Variants in REEP5 observed in about 807,000 individuals in gnomAD.
REEP5 encodes receptor accessory protein 5, also known as receptor expression-enhancing protein 5.
Under a neutral mutation model 22.4 loss-of-function variants are expected in REEP5, and 24 were observed. That is an observed-to-expected ratio of 1.07 (90% confidence interval 0.78 to 1.51). The LOEUF is 1.51. REEP5 is among the 40% of genes most tolerant of loss of function. The probability of loss-of-function intolerance (pLI) is 0.00; values close to 1 mark genes in which losing one functional copy is unlikely to be tolerated. For missense variants in REEP5, 252 were observed against 233.0 expected (o/e 1.08, Z -0.53); for synonymous variants, 103 against 88.6 (o/e 1.16, Z -0.92).
intron 2 of REEP5, among the ~76,000 whole-genome samples, chr5:112,913,001 G>A (rs1032893703): frequency 2.0e-4 from 31 of 152,246 alleles, no homozygotes; most frequent in African/African-American, 6.0e-4. Flanking sequence ...CAAACAGTAC[G>A]AGAAAGACTA....
At chr5:112,913,401 GA>G (rs1037666523) in intron 2 of REEP5, among the ~76,000 whole-genome samples, 5 of 147,664 alleles carry the variant, frequency 3.4e-5, no homozygotes, top group Admixed American at 1.3e-4. Context: ...GAGAAAGAAA[GA>G]AAAAAAGAAA....
intron 3 of REEP5, among the ~76,000 whole-genome samples, chr5:112,888,596 TA>T (rs1232970186): frequency 4.1e-4 from 62 of 151,016 alleles, no homozygotes; most frequent in East Asian, 2.0e-3. Flanking sequence ...GCTAATTTTT[TA>T]TAACTTTTTT....
Position 112,922,182 on chromosome 5 carries a change from C to T in REEP5, c.9G>A (p.Ala3=), listed in dbSNP as rs745444397. 8 of 1,606,554 alleles carry T rather than the reference C, an allele frequency of 5.0e-6. No individual in the cohort carries two copies. In the South Asian group the frequency reaches 5.6e-5, roughly 11 times the overall value. MS[A]AMRERFDRFL... ...ACCGGTCGAACCTCTCCCTCATGGC[C>T]GCAGACATGGCGGGGACCGTCTCGC... Residue 3 remains alanine (A), a synonymous_variant, in exon 1 of 5, where the codon GCG becomes GCA. Coordinates refer to ENST00000379638, the MANE Select transcript of REEP5 (RefSeq NM_005669.5).
rs757432658 is a variant in REEP5 at position 112,877,477 on chromosome 5, C to T, written c.*1309G>A. 3.9e-5 allele frequency: 6 copies of T among 152,090 alleles called. No individual in the cohort carries two copies. The highest frequency in any genetic ancestry group is 8.8e-5 in the Non-Finnish European group (6 of 68,016). The allele number at this position is 152,090 out of a possible 1,614,324, so 9.4% of individuals were successfully genotyped here. ...GATTTGGCAGATCAATGGAGACATCCGTTTTAACTTTACTGTTCTGTACTT... is the reference window on the plus strand; with the variant it reads ...GATTTGGCAGATCAATGGAGACATCTGTTTTAACTTTACTGTTCTGTACTT... On this transcript the variant is annotated 3_prime_UTR_variant, in exon 5 of 5. Coordinates refer to ENST00000379638, the MANE Select transcript of REEP5 (RefSeq NM_005669.5).
In REEP5 at chr5:112,878,554, A is replaced by AAAT. The variant is rs1767966361; in HGVS notation, c.*229_*231dup. ...ATACATCTTTTCCTACCCAGAGGCAAAATACATTTTCCAAAAACGTGGACA... is the reference window on the plus strand; with the variant it reads ...ATACATCTTTTCCTACCCAGAGGCAAAATAATACATTTTCCAAAAACGTGGACA... On this transcript the variant is annotated 3_prime_UTR_variant, in exon 5 of 5. Transcript: ENST00000379638. 4 of 526,342 alleles carry AAAT rather than the reference A, an allele frequency of 7.6e-6. No homozygotes were observed. In the South Asian group the frequency reaches 1.4e-4, roughly 19 times the overall value. 32.6% of individuals were successfully genotyped at this position (526,342 alleles called of 1,614,324 possible). A position where few individuals can be genotyped will look rare whatever the true frequency, so the allele number is the denominator to read the frequency against.
intron 2 of REEP5, among the ~76,000 whole-genome samples, chr5:112,915,981 C>A (rs1469008479): frequency 6.6e-6 from 1 of 151,408 alleles, no homozygotes; most frequent in Non-Finnish European, 1.5e-5. Flanking sequence ...GTTAAGGAAA[C>A]AGCTCTGCTT....
intron 4 of REEP5, among the ~76,000 whole-genome samples, chr5:112,879,733 C>T (rs1388007773): frequency 1.3e-5 from 2 of 152,036 alleles, no homozygotes; most frequent in African/African-American, 2.4e-5. Context: ...GCCTTGGCCT[C>T]CCAAAGTGCT....
chr5:112,912,145 C>T (rs536766973), intron 2 of REEP5, among the ~76,000 whole-genome samples: 8 of 152,124 alleles, frequency 5.3e-5, no homozygotes, highest in Non-Finnish European at 1.0e-4. Flanking sequence ...CCACCTTTTA[C>T]ATATGAGAAA....
At chr5:112,892,630 T>C (rs779025959) in intron 3 of REEP5, 6 of 1,614,002 alleles carry the variant, frequency 3.7e-6, no homozygotes, top group Non-Finnish European at 5.1e-6. Flanking sequence ...AGGAAAACAC[T>C]GCAACTTTCT....
intron 2 of REEP5, among the ~76,000 whole-genome samples, chr5:112,905,948 TC>T (rs1345551106): frequency 6.6e-6 from 1 of 152,210 alleles, no homozygotes; most frequent in African/African-American, 2.4e-5. Flanking sequence ...TGATTAGACT[TC>T]CTTGTCCCAA....
chr5:112,892,821 C>T (rs762925910), intron 3 of REEP5: 1 of 1,613,730 alleles, frequency 6.2e-7, no homozygotes, highest in Non-Finnish European at 8.5e-7. Flanking sequence ...ACCACACCTA[C>T]AAAAGAAATG....
At chr5:112,900,920 C>T (rs969480697) in intron 3 of REEP5, among the ~76,000 whole-genome samples, 6 of 150,558 alleles carry the variant, frequency 4.0e-5, no homozygotes, top group Non-Finnish European at 8.9e-5. Flanking sequence ...TCACTGCAAC[C>T]TCTGCATCCC....
At chr5:112,920,454 G>C (rs1383198400) in intron 2 of REEP5, among the ~76,000 whole-genome samples, 1 of 151,976 alleles carries the variant, frequency 6.6e-6, no homozygotes, top group Non-Finnish European at 1.5e-5. Flanking sequence ...ATTCCTACTT[G>C]AACGAATGGA....
chr5:112,889,120 A>C (rs907817615), intron 3 of REEP5, among the ~76,000 whole-genome samples: 2 of 150,774 alleles, frequency 1.3e-5, no homozygotes, highest in African/African-American at 4.9e-5. Flanking sequence ...TGGAACTGTG[A>C]GTCAATTAAA....
rs1329907179 is a variant in REEP5, at chr5:112,878,610, CTATATA to C, written c.*170_*175del. The C allele has an allele frequency of 1.1e-6, 1 of 925,268 alleles. No homozygotes were observed. The highest frequency in any genetic ancestry group is 1.6e-6 in the Non-Finnish European group (1 of 631,160). 57.3% of individuals were successfully genotyped at this position (925,268 alleles called of 1,614,324 possible). ...CACTGCATTAAGTTTAAAGTGCTCC[CTATATA>C]TATAGACAGTAAAAGTAAGCAAAGA... is the stretch of plus-strand genomic sequence containing the variant. On this transcript the variant is annotated 3_prime_UTR_variant, in exon 5 of 5. Coordinates refer to ENST00000379638, the MANE Select transcript of REEP5 (RefSeq NM_005669.5).
chr5:112,921,262 GACC>G lies in REEP5; in HGVS notation c.119-9_119-7del, dbSNP rs750071016. 2 of 1,613,884 alleles carry G rather than the reference GACC, an allele frequency of 1.2e-6. No individual in the cohort carries two copies. Among genetic ancestry groups the G allele is most frequent in the South Asian group, 2.2e-5 (2 of 91,004 alleles). ...GGCCACCAGTCCGATGACACCTGGGGACCACAAGGAGAGAAGTGGGTCGGGCAG... is the reference window on the plus strand; with the variant it reads ...GGCCACCAGTCCGATGACACCTGGGGACAAGGAGAGAAGTGGGTCGGGCAG... On this transcript the variant is annotated splice_polypyrimidine_tract_variant and splice_region_variant and intron_variant, in intron 1 of 4. Transcript: ENST00000379638.
Position 112,921,220 on chromosome 5 carries a change from C to T in REEP5, c.155G>A (p.Gly52Asp). 1.2e-6 allele frequency: 2 copies of T among 1,614,142 alleles called. No individual in the cohort carries two copies. The highest frequency in any genetic ancestry group is 2.2e-5 in the South Asian group (2 of 91,068). The change falls in exon 2 of 5, where the codon GGT becomes GAT. Residue 52 changes from glycine to aspartate, a missense_variant. Transcript: ENST00000379638. ...GTTGCAGAGGAGAGAGGCTCCATAA[C>T]CGAACACCAGGTACAAGGCCACCAG... is the stretch of plus-strand genomic sequence containing the variant. Reference protein sequence around the residue: ...IGLVALYLVFGYGASLLCNLI... With the variant: ...IGLVALYLVFDYGASLLCNLI...
chr5:112,896,694 G>C (rs138655726), intron 3 of REEP5: 1 of 151,834 alleles, frequency 6.6e-6, no homozygotes, highest in African/African-American at 2.4e-5. Flanking sequence ...GCAGCACTTC[G>C]GGAGGCTGAG....
chr5:112,882,991 C>T (rs1233826592), intron 4 of REEP5, among the ~76,000 whole-genome samples: 4 of 152,198 alleles, frequency 2.6e-5, no homozygotes, highest in Non-Finnish European at 5.9e-5. Context: ...TTCGACCAAT[C>T]CCTCTACTGT....
Sources: gnomAD v4.1 joint callset for allele counts (sites outside exome capture counted in the v4.1 genomes callset) on GRCh38, gnomAD v4.1.1 for gene constraint, MANE v1.5 for transcripts, NCBI Gene and HGNC (gene_info 2026-07-23, HGNC 2026-07-21) for gene names.